Variants in MREG observed in about 807,000 individuals in gnomAD.
MREG encodes melanoregulin, also known as dilute suppressor protein homolog.
Under a neutral mutation model 28.5 loss-of-function variants are expected in MREG, and 31 were observed. That is an observed-to-expected ratio of 1.09 (90% CI 0.82 to 1.47). The LOEUF (loss-of-function observed/expected upper bound fraction) is 1.47. MREG is among the 40% of genes most tolerant of loss of function. The pLI is 0.00. For synonymous variants in MREG, 106 were observed against 95.2 expected, an observed-to-expected ratio of 1.11 and a Z score of -0.66; for missense variants, 256 against 257.4, an observed-to-expected ratio of 0.99 and a Z score of 0.04.
intron 2 of MREG, among the ~76,000 whole-genome samples, chr2:215,995,733 CTCCTT>C (rs1297160614): frequency 2.0e-5 from 3 of 152,164 alleles, no homozygotes; most frequent in African/African-American, 7.2e-5. Flanking sequence ...ACAGAGTTCT[CTCCTT>C]TTTAATATTC....
At chr2:215,946,983 C>T (rs779802873) in intron 3 of MREG, 40 bp downstream of exon 3, 11 of 1,148,798 alleles carry the variant, frequency 9.6e-6, no homozygotes, top group African/African-American at 1.5e-5. Context: ...ATGATCACAA[C>T]GAGTTATTTT....
At chr2:215,967,713 T>C (rs1270897074) in intron 2 of MREG, among the ~76,000 whole-genome samples, 1 of 152,216 alleles carries the variant, frequency 6.6e-6, no homozygotes, top group East Asian at 1.9e-4. Context: ...TGGGGTTCTG[T>C]GTGAGACATC....
upstream of MREG, among the ~76,000 whole-genome samples, chr2:216,033,340 T>TA (rs1694739653): frequency 6.6e-6 from 1 of 152,130 alleles, no homozygotes; most frequent in South Asian, 2.1e-4. Flanking sequence ...AAATGACCAG[T>TA]AATTTTGCAT....
chr2:215,993,208 G>A (rs1189395274), intron 2 of MREG, among the ~76,000 whole-genome samples: 1 of 152,134 alleles, frequency 6.6e-6, no homozygotes, highest in Non-Finnish European at 1.5e-5. Context: ...CACAGTACTA[G>A]TACCAAAGCA....
chr2:215,977,556 C>T lies in MREG; in HGVS notation c.255+18750G>A, dbSNP rs1028858265. On this transcript the variant is annotated intron_variant, in intron 2 of 4. Transcript: ENST00000263268. ...TAATAGACATCTACAGAACTCTCCA[C>T]CCCAAATCAACAGAATATACATTCT... Among the ~76,000 whole-genome samples the T allele has an allele frequency of 5.9e-5, 9 of 152,232 alleles. No homozygotes were observed. The South Asian group carries it at 6.2e-4, about 11-fold the overall frequency.
At chr2:215,954,701 A>G (rs1459202280) in intron 2 of MREG, among the ~76,000 whole-genome samples, 1 of 149,696 alleles carries the variant, frequency 6.7e-6, no homozygotes, top group African/African-American at 2.5e-5. Flanking sequence ...TGCATTCACT[A>G]TTTTATTTTT....
intron 2 of MREG, among the ~76,000 whole-genome samples, chr2:215,992,260 G>A (rs56059597): frequency 0.065 from 9,829 of 152,200 alleles, 691 homozygotes; most frequent in African/African-American, 0.18. Flanking sequence ...ATCAATAAAC[G>A]TAATCCCTCA....
At chr2:215,986,084 A>C (rs574306643) in intron 2 of MREG, among the ~76,000 whole-genome samples, 1 of 152,350 alleles carries the variant, frequency 6.6e-6, no homozygotes, top group Admixed American at 6.5e-5. Flanking sequence ...TGGACAAAAC[A>C]ACAATAATCA....
chr2:215,987,073 C>T (rs1380244026), intron 2 of MREG, among the ~76,000 whole-genome samples: 2 of 152,020 alleles, frequency 1.3e-5, no homozygotes, highest in African/African-American at 2.4e-5. Flanking sequence ...ATGGTGAATC[C>T]GTGCAAGAGA....
intron 1 of MREG, among the ~76,000 whole-genome samples, chr2:216,031,925 G>A (rs1175489866): frequency 2.0e-5 from 3 of 152,216 alleles, no homozygotes; most frequent in African/African-American, 4.8e-5. Flanking sequence ...CTACTTCTCC[G>A]TATTTTTGTA....
intron 2 of MREG, among the ~76,000 whole-genome samples, chr2:215,987,129 A>G (rs918509082): frequency 3.9e-5 from 6 of 152,276 alleles, no homozygotes; most frequent in Admixed American, 3.3e-4. Flanking sequence ...TAAGCATATT[A>G]AAATGGAAAT....
intron 2 of MREG, among the ~76,000 whole-genome samples, chr2:215,976,716 GC>G (rs1693271294): frequency 6.6e-6 from 1 of 152,110 alleles, no homozygotes; most frequent in Non-Finnish European, 1.5e-5. Context: ...GAGAGTGGGG[GC>G]CAATATTCAA....
At chr2:215,950,829 C>T (rs1174202010) in intron 2 of MREG, among the ~76,000 whole-genome samples, 1 of 152,164 alleles carries the variant, frequency 6.6e-6, no homozygotes, top group African/African-American at 2.4e-5. Context: ...CCACCCAAAT[C>T]TCATGTCGAA....
chr2:215,995,430 A>C (rs1693841905), intron 2 of MREG, among the ~76,000 whole-genome samples: 1 of 152,176 alleles, frequency 6.6e-6, no homozygotes, highest in South Asian at 2.1e-4. Flanking sequence ...TTTTTTGGGA[A>C]AAGAAAAGTT....
chr2:216,010,354 CTTTTTTTTTTT>C (rs1164326774), intron 1 of MREG, among the ~76,000 whole-genome samples: 11 of 94,370 alleles, frequency 1.2e-4, no homozygotes, highest in Non-Finnish European at 1.8e-4. Context: ...AAAGATTTCT[CTTTTTTTTTTT>C]TTTTTTTTTT....
At chr2:215,940,961 A>T (rs1331435531), downstream of MREG, among the ~76,000 whole-genome samples, 1 of 152,202 alleles carries the variant, frequency 6.6e-6, no homozygotes, top group Non-Finnish European at 1.5e-5. Flanking sequence ...ATCAGTGGCC[A>T]CAAACCATGT....
rs1387657517 is a variant in MREG at position 215,944,995 on chromosome 2, G to A, written c.513C>T (p.Asp171=). The change falls in exon 5 of 5, where the codon GAC becomes GAT. Residue 171 remains aspartate, a splice_region_variant and synonymous_variant. Coordinates refer to ENST00000263268, the MANE Select transcript of MREG (RefSeq NM_018000.3). The part of the protein sequence containing the change: ...ELSERYLFVV[D]RLIALDAAEE... ...CTGCAGCATCAAGTGCAATGAGACG[G>A]TCCTGCAAAAACAAACAACAAACCA... is the stretch of plus-strand genomic sequence containing the variant. 3.8e-6 allele frequency: 6 copies of A among 1,571,552 alleles called. No individual in the cohort carries two copies. The highest frequency in any genetic ancestry group is 5.2e-6 in the Non-Finnish European group (6 of 1,147,528).
chr2:215,994,750 T>C (rs916400653), intron 2 of MREG, among the ~76,000 whole-genome samples: 6 of 152,088 alleles, frequency 3.9e-5, no homozygotes, highest in South Asian at 2.1e-4. Context: ...TTGTCGTCCA[T>C]GTTCCTCTGC....
chr2:215,956,332 A>G (rs1329989193), intron 2 of MREG, among the ~76,000 whole-genome samples: 5 of 152,182 alleles, frequency 3.3e-5, no homozygotes, highest in Admixed American at 3.3e-4. Flanking sequence ...CTCTGTAAAT[A>G]TTACATCTAT....
Sources: gnomAD v4.1 joint callset for allele counts (sites outside exome capture counted in the v4.1 genomes callset) on GRCh38, gnomAD v4.1.1 for gene constraint, MANE v1.5 for transcripts, NCBI Gene and HGNC (gene_info 2026-07-23, HGNC 2026-07-21) for gene names.